PIK3CA: variants seen among roughly 807,000 people sequenced by gnomAD.
PIK3CA encodes the protein phosphatidylinositol 4,5-bisphosphate 3-kinase catalytic subunit alpha isoform.
Under a neutral mutation model 138.2 loss-of-function variants are expected in PIK3CA, and 27 were observed. That is an observed-to-expected ratio of 0.20 (90% CI 0.14 to 0.27). The LOEUF (loss-of-function observed/expected upper bound fraction) is 0.27, where lower values mean the gene tolerates loss of function less well. Ranked by LOEUF, PIK3CA falls within the 10% of genes least tolerant of loss-of-function variation. The probability of loss-of-function intolerance (pLI) is 1.00; values close to 1 mark genes in which losing one functional copy is unlikely to be tolerated. For synonymous variants in PIK3CA, 358 were observed against 413.2 expected (o/e 0.87, Z 1.62); for missense variants, 544 against 1,277.4 (o/e 0.43, Z 8.75).
At chr3:179,166,783 T>C (rs910333781) in intron 1 of PIK3CA, among the ~76,000 whole-genome samples, 3 of 152,194 alleles carry the variant, frequency 2.0e-5, no homozygotes, top group African/African-American at 7.2e-5. Flanking sequence ...GTGTTTAGCC[T>C]TACTGTAGAC....
At chr3:179,161,234 A>G (rs894480909) in intron 1 of PIK3CA, among the ~76,000 whole-genome samples, 5 of 152,222 alleles carry the variant, frequency 3.3e-5, no homozygotes, top group African/African-American at 1.2e-4. Flanking sequence ...GGTGAAAGTA[A>G]CACATAGATT....
chr3:179,181,168 G>T (rs1240964768), intron 1 of PIK3CA, among the ~76,000 whole-genome samples: 2 of 152,016 alleles, frequency 1.3e-5, no homozygotes, highest in African/African-American at 4.8e-5. Context: ...GCAGACAGAT[G>T]GACAGTTCTG....
intron 1 of PIK3CA, among the ~76,000 whole-genome samples, chr3:179,186,536 A>G (rs1723986270): frequency 6.6e-6 from 1 of 152,220 alleles, no homozygotes. Context: ...TCCATCAATC[A>G]AGAATGGAAC....
intron 1 of PIK3CA, among the ~76,000 whole-genome samples, chr3:179,194,726 T>C (rs1188797189): frequency 6.6e-6 from 1 of 152,142 alleles, no homozygotes; most frequent in Non-Finnish European, 1.5e-5. Flanking sequence ...CACACTCTCT[T>C]GTGGCAACCT....
At chr3:179,197,230 G>A (rs960821981) in intron 1 of PIK3CA, among the ~76,000 whole-genome samples, 1 of 152,020 alleles carries the variant, frequency 6.6e-6, no homozygotes, top group Non-Finnish European at 1.5e-5. Flanking sequence ...GTAGAGACGG[G>A]GTTTCACCGT....
chr3:179,154,664 C>G (rs542563280), intron 1 of PIK3CA, among the ~76,000 whole-genome samples: 2 of 152,242 alleles, frequency 1.3e-5, no homozygotes, highest in Admixed American at 1.3e-4. Context: ...TAATGTGTTG[C>G]TTGCTAAGTA....
At chr3:179,175,474 GTA>G (rs1188229817) in intron 1 of PIK3CA, among the ~76,000 whole-genome samples, 1 of 152,030 alleles carries the variant, frequency 6.6e-6, no homozygotes, top group Non-Finnish European at 1.5e-5. Flanking sequence ...GTTGTGCTGT[GTA>G]CTCCGTAAGT....
chr3:179,233,417 ATT>A (rs75435014), intron 20 of PIK3CA: 33 of 332,108 alleles, frequency 9.9e-5, no homozygotes, highest in South Asian at 1.4e-4. Context: ...AACTATTTTA[ATT>A]TTTTTTTTTT....
intron 17 of PIK3CA, among the ~76,000 whole-genome samples, chr3:179,226,763 G>A (rs992583745): frequency 1.3e-5 from 2 of 152,114 alleles, no homozygotes; most frequent in Non-Finnish European, 2.9e-5. Context: ...ATACAAAAAT[G>A]TGTCAGTGAC....
At chr3:179,164,865 G>A (rs771764701) in intron 1 of PIK3CA, among the ~76,000 whole-genome samples, 2 of 150,638 alleles carry the variant, frequency 1.3e-5, no homozygotes, top group African/African-American at 4.9e-5. Context: ...GTGAAACTCT[G>A]TCTTAAAAAA....
chr3:179,200,034 C>T (rs570313982), intron 3 of PIK3CA, 135 bp downstream of exon 3: 2 of 542,428 alleles, frequency 3.7e-6, no homozygotes, highest in South Asian at 6.0e-5. Context: ...CTTATACTGA[C>T]AAGATATAGT....
At position 179,224,073 on chromosome 3, in the gene PIK3CA, T is replaced by G; in HGVS notation, c.2188-8T>G. On this transcript the variant is annotated splice_region_variant and splice_polypyrimidine_tract_variant and intron_variant, in intron 14 of 20. Transcript: ENST00000263967. ...TTCTTACTGTGACTATCCTTTTTTT[T>G]TAATCAGGTACAGATGAAGTTTTTA... The G allele has an allele frequency of 6.7e-7, 1 of 1,488,840 alleles. No homozygotes were observed. The highest frequency in any genetic ancestry group is 1.2e-5 in the South Asian group (1 of 86,870). The allele number at this position is 1,488,840 out of a possible 1,614,324, so 92.2% of individuals were successfully genotyped here. A position where few individuals can be genotyped will look rare whatever the true frequency, so the allele number is the denominator to read the frequency against.
intron 6 of PIK3CA, among the ~76,000 whole-genome samples, chr3:179,206,897 G>A (rs1184360825): frequency 6.6e-6 from 1 of 150,670 alleles, no homozygotes; most frequent in Non-Finnish European, 1.5e-5. Context: ...CCAGTCTAGG[G>A]GGCAGAGTGA....
intron 1 of PIK3CA, among the ~76,000 whole-genome samples, chr3:179,159,207 G>A (rs1246490401): frequency 6.6e-6 from 1 of 152,104 alleles, no homozygotes. Context: ...ATGAAAAACT[G>A]CATATAATTT....
At chr3:179,223,323 T>C (rs569458004) in intron 14 of PIK3CA, among the ~76,000 whole-genome samples, 1 of 152,348 alleles carries the variant, frequency 6.6e-6, no homozygotes, top group African/African-American at 2.4e-5. Flanking sequence ...ATATTTTCAA[T>C]AGGTGAAAGT....
rs183851400 is a variant in PIK3CA, at chr3:179,187,677, G to A, written c.-76-11073G>A. 4.6e-3 allele frequency among the ~76,000 whole-genome samples: 692 copies of A among 150,730 alleles called. 4 individuals carry two copies. Among genetic ancestry groups the A allele is most frequent in the Non-Finnish European group, 7.0e-3 (471 of 67,720 alleles). ...CTTTGGGATGGAGTCTTGCTCTGTC[G>A]CCCAGGGTGGAGTGCAGTGGCACCA... On this transcript the variant is annotated intron_variant, in intron 1 of 20. Coordinates refer to ENST00000263967, the MANE Select transcript of PIK3CA (RefSeq NM_006218.4).
Position 179,221,230 on chromosome 3 carries a change from T to C in PIK3CA, c.2187+73T>C, listed in dbSNP as rs3729689. 0.041 allele frequency: 39,010 copies of C among 962,860 alleles called. 917 individuals carry two copies. Among genetic ancestry groups the C allele is most frequent in the Non-Finnish European group, 0.05 (31,032 of 619,620 alleles). The allele number at this position is 962,860 out of a possible 1,614,324, so 59.6% of individuals were successfully genotyped here. ...CAGAGTTGTTTAGAAGCCCAGTGTA[T>C]ATACAGATCATGGTCCTTGGAATCA... On this transcript the variant is annotated intron_variant, in intron 14 of 20. Coordinates refer to ENST00000263967, the MANE Select transcript of PIK3CA (RefSeq NM_006218.4).
rs56143971 is a variant in PIK3CA at position 179,209,323 on chromosome 3, C to A, written c.1146-272C>A. On this transcript the variant is annotated intron_variant, in intron 6 of 20. Transcript: ENST00000263967. ...CCTATTACTGCATAACCTTACCACCCCTTGGCATCATCAGTCTTTATAGTT... is the reference window on the plus strand; with the variant it reads ...CCTATTACTGCATAACCTTACCACCACTTGGCATCATCAGTCTTTATAGTT... Among the ~76,000 whole-genome samples, 13,254 of 151,936 alleles carry A rather than the reference C, an allele frequency of 0.087. 662 individuals carry two copies. Among genetic ancestry groups the A allele is most frequent in the African/African-American group, 0.13 (5,377 of 41,466 alleles).
At chr3:179,209,231 T>G (rs962524115) in intron 6 of PIK3CA, among the ~76,000 whole-genome samples, 3 of 151,934 alleles carry the variant, frequency 2.0e-5, no homozygotes, top group African/African-American at 7.2e-5. Context: ...TGCTCACTTT[T>G]ATTAGATTAT....
Sources: gnomAD v4.1 joint callset for allele counts (sites outside exome capture counted in the v4.1 genomes callset) on GRCh38, gnomAD v4.1.1 for gene constraint, MANE v1.5 for transcripts, NCBI Gene and HGNC (gene_info 2026-07-23, HGNC 2026-07-21) for gene names.